The following DOCK10 variants were observed in gnomAD, a reference collection of about 807,000 sequenced individuals.
DOCK10 encodes dedicator of cytokinesis 10.
DOCK10 carries 145 observed loss-of-function variants against 280.1 expected under a neutral mutation model. That is an observed-to-expected ratio of 0.52 (90% CI 0.45 to 0.59). The LOEUF (loss-of-function observed/expected upper bound fraction) is 0.59, where lower values mean the gene tolerates loss of function less well. Ranked by LOEUF, DOCK10 falls within the 20% of genes least tolerant of loss-of-function variation. The pLI is 0.00. For missense variants in DOCK10, 2,368 were observed against 2,651.7 expected, an observed-to-expected ratio of 0.89 and a Z score of 2.35; for synonymous variants, 915 against 942.2, an observed-to-expected ratio of 0.97 and a Z score of 0.53.
At position 224,864,460 on chromosome 2, in the gene DOCK10, C is replaced by T. The variant is rs768024368; in HGVS notation, c.1602+93G>A. 8.0e-5 allele frequency: 99 copies of T among 1,235,920 alleles called. No individual in the cohort carries two copies. In the South Asian group the frequency reaches 9.2e-4, roughly 12 times the overall value. 76.6% of individuals were successfully genotyped at this position (1,235,920 alleles called of 1,614,324 possible). A position where few individuals can be genotyped will look rare whatever the true frequency, so the allele number is the denominator to read the frequency against. ...AGGAGACAGAGGTTGCAGTGAGCTGCGATTGTGCCACTGCACTCCAGCCTG... is the reference window on the plus strand; with the variant it reads ...AGGAGACAGAGGTTGCAGTGAGCTGTGATTGTGCCACTGCACTCCAGCCTG... On this transcript the variant is annotated intron_variant, in intron 13 of 55. Coordinates refer to ENST00000258390, the MANE Select transcript of DOCK10 (RefSeq NM_014689.3).
At chr2:224,801,833 G>A (rs907529597) in intron 40 of DOCK10, 83 bp downstream of exon 40, 1 of 1,393,370 alleles carries the variant, frequency 7.2e-7, no homozygotes, top group Non-Finnish European at 1.0e-6. Context: ...CTTAAAAACT[G>A]TGGTTTTAGT....
intron 53 of DOCK10, among the ~76,000 whole-genome samples, chr2:224,771,763 C>A (rs1690454805): frequency 6.6e-6 from 1 of 152,192 alleles, no homozygotes; most frequent in African/African-American, 2.4e-5. Flanking sequence ...TCCCTTCACT[C>A]AGCTATGTGC....
chr2:224,951,336 T>C (rs62188008), intron 1 of DOCK10, among the ~76,000 whole-genome samples: 34,206 of 151,994 alleles, frequency 0.23, 4,297 homozygotes, highest in Non-Finnish European at 0.28. Context: ...TCATTTCTTA[T>C]GTAAGTATGT....
chr2:224,855,295 A>T (rs1188137972), intron 15 of DOCK10, among the ~76,000 whole-genome samples: 1 of 152,250 alleles, frequency 6.6e-6, no homozygotes, highest in African/African-American at 2.4e-5. Flanking sequence ...TTTCTGAAAA[A>T]TTTTAAATTT....
intron 19 of DOCK10, among the ~76,000 whole-genome samples, chr2:224,846,868 G>A (rs1696392479): frequency 6.6e-6 from 1 of 152,138 alleles, no homozygotes; most frequent in African/African-American, 2.4e-5. Flanking sequence ...TTGTTGCCTA[G>A]GCTGGAGTCT....
intron 1 of DOCK10, among the ~76,000 whole-genome samples, chr2:224,976,807 A>G (rs1705471326): frequency 6.6e-6 from 1 of 151,956 alleles, no homozygotes; most frequent in South Asian, 2.1e-4. Flanking sequence ...TGGTCTCTGT[A>G]TCTTTTGCCC....
chr2:224,916,800 A>T lies in DOCK10; in HGVS notation c.244-16T>A. ...CTGTGGCTGCCTGAAACGAACAATG[A>T]AAAGAAATTGAGTCCTCCGGCTTAG... On this transcript the variant is annotated splice_polypyrimidine_tract_variant and intron_variant, in intron 2 of 55. Coordinates refer to ENST00000258390, the MANE Select transcript of DOCK10 (RefSeq NM_014689.3). 1.3e-6 allele frequency: 2 copies of T among 1,598,200 alleles called. No homozygotes were observed. Among genetic ancestry groups the T allele is most frequent in the East Asian group, 4.5e-5 (2 of 44,500 alleles).
At position 224,793,038 on chromosome 2, in the gene DOCK10, G is replaced by T; in HGVS notation, c.5247C>A (p.Ser1749=). 1 of 1,613,490 alleles carries T rather than the reference G, an allele frequency of 6.2e-7. No individual in the cohort carries two copies. Among genetic ancestry groups the T allele is most frequent in the Non-Finnish European group, 8.5e-7 (1 of 1,179,644 alleles). Residue 1749 remains serine, a synonymous_variant, in exon 47 of 56, where the codon TCC becomes TCA. Coordinates refer to ENST00000258390, the MANE Select transcript of DOCK10 (RefSeq NM_014689.3). ...YWKVEKICTA[S]LLSEDTHPCD... Reference sequence around the variant, plus strand: ...AGGGGTGGGTATCCTCCGAGAGCAGGGATGCTGTGCAAATCTTTTCCACTT... The same window carrying T: ...AGGGGTGGGTATCCTCCGAGAGCAGTGATGCTGTGCAAATCTTTTCCACTT...
chr2:224,942,958 G>T (rs2135875), intron 1 of DOCK10, among the ~76,000 whole-genome samples: 86,682 of 152,004 alleles, frequency 0.57, 25,479 homozygotes, highest in Non-Finnish European at 0.64. Flanking sequence ...TTCAACTTAA[G>T]TCTGTTTTTA....
chr2:224,986,587 T>C (rs1013005216), intron 1 of DOCK10, among the ~76,000 whole-genome samples: 3 of 151,008 alleles, frequency 2.0e-5, no homozygotes, highest in South Asian at 4.2e-4. Context: ...CTAATGTCCT[T>C]ATAAGAAGAG....
chr2:224,942,152 A>G (rs974602621), intron 1 of DOCK10, among the ~76,000 whole-genome samples: 1 of 152,224 alleles, frequency 6.6e-6, no homozygotes, highest in Non-Finnish European at 1.5e-5. Flanking sequence ...GTCAGCTGCT[A>G]GGGAAAGGAA....
intron 8 of DOCK10, 104 bp from the exon 9 acceptor site, chr2:224,874,855 G>C: frequency 2.1e-6 from 2 of 970,550 alleles, no homozygotes; most frequent in East Asian, 4.8e-5. Flanking sequence ...AGCTAAGAGG[G>C]ACGTTGGTGA....
At chr2:224,953,380 C>G (rs1703870236) in intron 1 of DOCK10, among the ~76,000 whole-genome samples, 2 of 152,156 alleles carry the variant, frequency 1.3e-5, no homozygotes, top group South Asian at 4.1e-4. Flanking sequence ...ATAGGAAAAA[C>G]AAGACTGGTC....
intron 1 of DOCK10, among the ~76,000 whole-genome samples, chr2:225,015,901 C>T (rs908875222): frequency 7.2e-5 from 11 of 152,010 alleles, no homozygotes; most frequent in African/African-American, 2.4e-4. Flanking sequence ...GTCAAAATGT[C>T]AACTAAATAA....
At chr2:224,796,851 G>C in intron 43 of DOCK10, 113 bp downstream of exon 43, 1 of 920,036 alleles carries the variant, frequency 1.1e-6, no homozygotes, top group Non-Finnish European at 1.7e-6. Context: ...CTTTAAGGAG[G>C]ACGCTAGTGG....
At chr2:224,853,990 A>G (rs1696932295) in intron 16 of DOCK10, among the ~76,000 whole-genome samples, 1 of 152,174 alleles carries the variant, frequency 6.6e-6, no homozygotes, top group African/African-American at 2.4e-5. Context: ...GTCGTGTTTC[A>G]TTTCCATATC....
At chr2:224,912,030 C>A (rs1482903573) in intron 3 of DOCK10, among the ~76,000 whole-genome samples, 1 of 152,002 alleles carries the variant, frequency 6.6e-6, no homozygotes, top group African/African-American at 2.4e-5. Flanking sequence ...CTGAAGTAGT[C>A]TTTTAGGTAT....
chr2:225,021,085 C>T (rs945979768), intron 1 of DOCK10, among the ~76,000 whole-genome samples: 2 of 152,192 alleles, frequency 1.3e-5, no homozygotes, highest in South Asian at 2.1e-4. Context: ...GAGGGACCAT[C>T]GCTGCCCTGT....
At chr2:224,948,115 G>A (rs1215869488) in intron 1 of DOCK10, among the ~76,000 whole-genome samples, 1 of 152,150 alleles carries the variant, frequency 6.6e-6, no homozygotes, top group Non-Finnish European at 1.5e-5. Context: ...GGACTAGGCT[G>A]TTCTCTTTTC....
Sources: allele counts gnomAD v4.1 joint callset (sites outside exome capture counted in the v4.1 genomes callset), GRCh38; gene constraint gnomAD v4.1.1; transcripts MANE v1.5; gene names NCBI Gene and HGNC (gene_info 2026-07-23, HGNC 2026-07-21).